PTPN1: variants seen among roughly 807,000 people sequenced by gnomAD.
PTPN1 encodes protein tyrosine phosphatase non-receptor type 1.
In PTPN1, 12 loss-of-function variants were observed where a neutral mutation model predicts 59.9. The observed-to-expected ratio is 0.20, with a 90% CI of 0.13 to 0.32. The LOEUF is 0.32. Ranked by LOEUF, PTPN1 falls within the 10% of genes least tolerant of loss-of-function variation. PTPN1 has a pLI of 1.00. For missense variants in PTPN1, 356 were observed against 549.2 expected (o/e 0.65, Z 3.52); for synonymous variants, 178 against 203.6 (o/e 0.87, Z 1.07).
At chr20:50,556,308 C>T (rs1197715529) in intron 1 of PTPN1, among the ~76,000 whole-genome samples, 1 of 152,020 alleles carries the variant, frequency 6.6e-6, no homozygotes, top group Non-Finnish European at 1.5e-5. Flanking sequence ...CCTGCCTCAA[C>T]CCCTTGTGTA....
chr20:50,546,557 A>G (rs2082676924), intron 1 of PTPN1, among the ~76,000 whole-genome samples: 1 of 152,240 alleles, frequency 6.6e-6, no homozygotes, highest in Non-Finnish European at 1.5e-5. Flanking sequence ...TTGGTTGATA[A>G]TAATACATAT....
At chr20:50,561,500 A>G (rs767953547) in intron 2 of PTPN1, 47 bp downstream of exon 2, 2 of 1,289,136 alleles carry the variant, frequency 1.6e-6, no homozygotes, top group Non-Finnish European at 2.2e-6. Flanking sequence ...CCTTTGCTGC[A>G]GGCCTTTTTA....
intron 5 of PTPN1, among the ~76,000 whole-genome samples, chr20:50,575,497 G>A (rs2082832421): frequency 6.6e-6 from 1 of 152,252 alleles, no homozygotes; most frequent in African/African-American, 2.4e-5. Flanking sequence ...AAGGGAAGGT[G>A]GAGCCGTAGG....
intron 1 of PTPN1, among the ~76,000 whole-genome samples, chr20:50,511,268 G>A (rs2082506007): frequency 6.6e-6 from 1 of 152,182 alleles, no homozygotes; most frequent in Admixed American, 6.5e-5. Context: ...ATAGTGACAG[G>A]TGCTGTGAAG....
intron 3 of PTPN1, 72 bp downstream of exon 3, chr20:50,565,141 A>G (rs2082772923): frequency 4.8e-6 from 7 of 1,449,140 alleles, no homozygotes; most frequent in Non-Finnish European, 6.5e-6. Flanking sequence ...CCACACCTCA[A>G]ATAAAATCTG....
rs574938703 is a variant in PTPN1 at position 50,558,197 on chromosome 20, C to T, written c.64-3166C>T. On this transcript the variant is annotated intron_variant, in intron 1 of 9. Coordinates refer to ENST00000371621, the MANE Select transcript of PTPN1 (RefSeq NM_002827.4). ...GTAGCTTTTGCTAATGTTCCCATAT[C>T]TTCTTATAGCCTTACAGAATGATTT... Among the ~76,000 whole-genome samples, 95 of 152,104 alleles carry T rather than the reference C, an allele frequency of 6.2e-4. 1 individual carries two copies. In the South Asian group the frequency reaches 0.019, roughly 31 times the overall value.
intron 1 of PTPN1, among the ~76,000 whole-genome samples, chr20:50,531,334 A>G: frequency 6.6e-6 from 1 of 152,174 alleles, no homozygotes; most frequent in East Asian, 1.9e-4. Flanking sequence ...AGGACAAAGT[A>G]GAAATAAAAC....
intron 1 of PTPN1, among the ~76,000 whole-genome samples, chr20:50,533,368 A>G (rs140377048): frequency 9.2e-5 from 14 of 152,254 alleles, no homozygotes; most frequent in Admixed American, 9.2e-4. Context: ...ATGGCAGTAC[A>G]TAACTGTACA....
intron 1 of PTPN1, among the ~76,000 whole-genome samples, chr20:50,553,045 CTCTCTG>C (rs2082710279): frequency 1.3e-5 from 2 of 152,194 alleles, no homozygotes; most frequent in Admixed American, 1.3e-4. Context: ...TATATTTTGT[CTCTCTG>C]TCTCTCTCTG....
chr20:50,550,324 T>C (rs1426769875), intron 1 of PTPN1, among the ~76,000 whole-genome samples: 3 of 152,222 alleles, frequency 2.0e-5, no homozygotes, highest in African/African-American at 7.2e-5. Context: ...TGATGGGTGC[T>C]AAGGGACTTT....
chr20:50,519,331 A>G (rs1031699937), intron 1 of PTPN1, among the ~76,000 whole-genome samples: 2 of 152,208 alleles, frequency 1.3e-5, no homozygotes, highest in Non-Finnish European at 2.9e-5. Context: ...GAAAAAGTAG[A>G]TGTAGTTTAA....
At chr20:50,554,819 C>T (rs2082719164) in intron 1 of PTPN1, among the ~76,000 whole-genome samples, 1 of 151,554 alleles carries the variant, frequency 6.6e-6, no homozygotes, top group South Asian at 2.1e-4. Flanking sequence ...GCTAATGTGC[C>T]AATGGTGGAG....
At chr20:50,579,630 T>C (rs2282147) in intron 7 of PTPN1, 73 bp from the exon 8 acceptor site, 858,353 of 1,337,584 alleles carry the variant, frequency 0.64, 276,401 homozygotes, top group Middle Eastern at 0.71. Context: ...TCACCTCTGC[T>C]CATGCAAAGG....
intron 8 of PTPN1, 96 bp from the exon 9 acceptor site, chr20:50,581,169 G>A: frequency 2.0e-6 from 3 of 1,489,282 alleles, no homozygotes; most frequent in Middle Eastern, 1.8e-4. Context: ...TCTACACGTG[G>A]CTTGTTTTTT....
chr20:50,549,742 TTTA>T, intron 1 of PTPN1, among the ~76,000 whole-genome samples: 1 of 152,340 alleles, frequency 6.6e-6, no homozygotes, highest in Middle Eastern at 3.4e-3. Context: ...AAGCTTTTTC[TTTA>T]TTATTAAACA....
chr20:50,545,241 C>T (rs1568783474), intron 1 of PTPN1, among the ~76,000 whole-genome samples: 1 of 152,166 alleles, frequency 6.6e-6, no homozygotes, highest in Non-Finnish European at 1.5e-5. Flanking sequence ...CAGGCATCAG[C>T]CACTGCACCT....
chr20:50,543,432 T>C (rs1161421351), intron 1 of PTPN1, among the ~76,000 whole-genome samples: 1 of 152,228 alleles, frequency 6.6e-6, no homozygotes, highest in Non-Finnish European at 1.5e-5. Context: ...TCTATCTAAT[T>C]ATAATAGTTT....
rs373794531 is a variant in PTPN1 at position 50,512,638 on chromosome 20, G to C, written c.63+2048G>C. ...TGGTCTTAGAGAATTGTCAGGGCCA[G>C]CTTTTCTCACCTCCACTGTATGGAT... On this transcript the variant is annotated intron_variant, in intron 1 of 9. Transcript: ENST00000371621. Among the ~76,000 whole-genome samples, 10 of 152,310 alleles carry C rather than the reference G, an allele frequency of 6.6e-5. No individual in the cohort carries two copies. The East Asian group carries it at 9.6e-4, about 15-fold the overall frequency.
intron 5 of PTPN1, among the ~76,000 whole-genome samples, chr20:50,575,222 C>T (rs907437809): frequency 5.3e-5 from 8 of 152,208 alleles, no homozygotes; most frequent in Admixed American, 1.3e-4. Context: ...TGGAATAATT[C>T]CCCTGGATCC....
Sources: gnomAD v4.1 joint callset for allele counts (sites outside exome capture counted in the v4.1 genomes callset) on GRCh38, gnomAD v4.1.1 for gene constraint, MANE v1.5 for transcripts, NCBI Gene and HGNC (gene_info 2026-07-23, HGNC 2026-07-21) for gene names.